The following GALNTL6 variants were observed in gnomAD, a reference collection of about 807,000 sequenced individuals.
GALNTL6 encodes polypeptide N-acetylgalactosaminyltransferase like 6.
A neutral mutation model predicts 73.7 loss-of-function variants in GALNTL6; 46 were observed. The observed-to-expected ratio is 0.62, with a 90% CI of 0.49 to 0.80. The LOEUF is 0.80. GALNTL6 is among the 30% of genes least tolerant of loss of function. The pLI, the probability that GALNTL6 is intolerant of heterozygous loss-of-function variation, is 0.00. For synonymous variants in GALNTL6, 259 were observed against 263.7 expected (o/e 0.98, Z 0.17); for missense variants, 604 against 755.0 (o/e 0.80, Z 2.34).
In GALNTL6 at chr4:172,810,953, A is replaced by G. The variant is rs186495950; in HGVS notation, c.739+1407A>G. Among the ~76,000 whole-genome samples the G allele has an allele frequency of 1.9e-3, 281 of 151,754 alleles. 2 individuals are homozygous for G. Among genetic ancestry groups the G allele is most frequent in the African/African-American group, 6.1e-3 (252 of 41,236 alleles). The stretch of plus-strand genomic sequence containing the variant: ...CCAATTATTGAGTCTCTGATTGTTC[A>G]CTATGAATCTAACTAAAAAGAAGAA... On this transcript the variant is annotated intron_variant, in intron 6 of 12. Coordinates refer to ENST00000506823, the MANE Select transcript of GALNTL6 (RefSeq NM_001034845.3).
intron 4 of GALNTL6, among the ~76,000 whole-genome samples, chr4:172,333,247 A>T (rs1741194094): frequency 6.6e-6 from 1 of 152,068 alleles, no homozygotes; most frequent in Admixed American, 6.6e-5. Flanking sequence ...CTCTACTGAA[A>T]ATACAAAATT....
intron 9 of GALNTL6, among the ~76,000 whole-genome samples, chr4:172,936,374 C>G (rs1446859536): frequency 6.6e-6 from 1 of 152,160 alleles, no homozygotes. Context: ...CAGCACAAGA[C>G]AAGGATACCC....
intron 2 of GALNTL6, among the ~76,000 whole-genome samples, chr4:171,824,078 TA>T (rs1244707460): frequency 0.046 from 50 of 1,078 alleles, 1 homozygote; most frequent in Admixed American, 0.32. Context: ...AAATCCATTT[TA>T]TATATATATA....
At chr4:171,988,515 A>G (rs1192155064) in intron 2 of GALNTL6, among the ~76,000 whole-genome samples, 4 of 152,152 alleles carry the variant, frequency 2.6e-5, no homozygotes, top group African/African-American at 9.7e-5. Flanking sequence ...AGCATGTTTG[A>G]GATCTAGAAC....
At chr4:173,009,122 G>A (rs528509780) in intron 10 of GALNTL6, 56 bp from the exon 11 acceptor site, 1 of 1,126,044 alleles carries the variant, frequency 8.9e-7, no homozygotes, top group East Asian at 2.3e-5. Context: ...GTTGTTAGGA[G>A]CCAATGATAA....
intron 3 of GALNTL6, among the ~76,000 whole-genome samples, chr4:172,274,112 A>T (rs1738752337): frequency 6.6e-6 from 1 of 152,164 alleles, no homozygotes. Context: ...GTATCCTATT[A>T]TGGATTTGAT....
At chr4:172,038,688 CACAA>C (rs1446793748) in intron 2 of GALNTL6, among the ~76,000 whole-genome samples, 5 of 152,190 alleles carry the variant, frequency 3.3e-5, no homozygotes, top group African/African-American at 9.6e-5. Context: ...TTATTCAATT[CACAA>C]ACAGTCAGCA....
intron 7 of GALNTL6, among the ~76,000 whole-genome samples, chr4:172,828,974 T>G (rs903720008): frequency 3.9e-5 from 6 of 152,190 alleles, no homozygotes; most frequent in African/African-American, 1.4e-4. Flanking sequence ...CTATGCATGC[T>G]CCCTCTGAAA....
At chr4:171,900,504 G>C (rs1328480454) in intron 2 of GALNTL6, among the ~76,000 whole-genome samples, 2 of 148,636 alleles carry the variant, frequency 1.3e-5, no homozygotes, top group African/African-American at 5.0e-5. Context: ...TTTTTTAGTA[G>C]AGATGGGGTT....
At chr4:172,909,652 T>C (rs1331512341) in intron 8 of GALNTL6, among the ~76,000 whole-genome samples, 2 of 152,102 alleles carry the variant, frequency 1.3e-5, no homozygotes, top group Admixed American at 6.5e-5. Flanking sequence ...TTTAGAGAAA[T>C]AGACACTTTC....
chr4:172,221,197 C>CA, intron 2 of GALNTL6, among the ~76,000 whole-genome samples: 1 of 151,930 alleles, frequency 6.6e-6, no homozygotes, highest in South Asian at 2.1e-4. Flanking sequence ...ACCTAATCCC[C>CA]ATTTCATCTT....
chr4:172,405,264 A>G (rs967989998), intron 5 of GALNTL6, among the ~76,000 whole-genome samples: 1 of 150,732 alleles, frequency 6.6e-6, no homozygotes, highest in African/African-American at 2.4e-5. Flanking sequence ...CATGGAATCT[A>G]TGACTTAAAA....
chr4:172,459,768 G>A (rs1444589707), intron 5 of GALNTL6, among the ~76,000 whole-genome samples: 1 of 152,126 alleles, frequency 6.6e-6, no homozygotes, highest in Non-Finnish European at 1.5e-5. Flanking sequence ...AATCAACGTT[G>A]TCAAAATGGC....
At chr4:172,781,746 C>A (rs1430693454) in intron 5 of GALNTL6, among the ~76,000 whole-genome samples, 1 of 151,980 alleles carries the variant, frequency 6.6e-6, no homozygotes, top group Non-Finnish European at 1.5e-5. Context: ...AAAAACCTAG[C>A]AACAGTGATT....
chr4:172,931,306 T>C (rs183400975), intron 9 of GALNTL6, 38 bp downstream of exon 9: 84 of 1,217,594 alleles, frequency 6.9e-5, no homozygotes, highest in Middle Eastern at 5.7e-4. Context: ...GGGGTTGATA[T>C]GGCTTTCTGT....
At chr4:172,387,096 G>A (rs1743499357) in intron 5 of GALNTL6, among the ~76,000 whole-genome samples, 1 of 152,058 alleles carries the variant, frequency 6.6e-6, no homozygotes. Context: ...ACCATCCTGA[G>A]GGCCCCACCC....
intron 7 of GALNTL6, among the ~76,000 whole-genome samples, chr4:172,881,607 A>G (rs988825665): frequency 8.5e-5 from 13 of 152,222 alleles, no homozygotes; most frequent in Non-Finnish European, 2.9e-5. Context: ...CAGTTGTTCA[A>G]TAAATTGGAT....
intron 2 of GALNTL6, among the ~76,000 whole-genome samples, chr4:172,011,130 CTT>C (rs1740993183): frequency 6.6e-6 from 1 of 151,962 alleles, no homozygotes; most frequent in Non-Finnish European, 1.5e-5. Flanking sequence ...AAATATAAGG[CTT>C]AGAGAGTATC....
At chr4:172,902,746 C>T (rs1365236074) in intron 8 of GALNTL6, among the ~76,000 whole-genome samples, 1 of 152,144 alleles carries the variant, frequency 6.6e-6, no homozygotes, top group Admixed American at 6.6e-5. Context: ...CCCACCTATG[C>T]GGTAAGCTTA....
Sources: gnomAD v4.1 joint callset for allele counts (sites outside exome capture counted in the v4.1 genomes callset) on GRCh38, gnomAD v4.1.1 for gene constraint, MANE v1.5 for transcripts, NCBI Gene and HGNC (gene_info 2026-07-23, HGNC 2026-07-21) for gene names.